The following PEX3 variants were observed in gnomAD, a reference collection of about 807,000 sequenced individuals.
PEX3 encodes the protein peroxisomal biogenesis factor 3.
A neutral mutation model predicts 55.8 loss-of-function variants in PEX3; 30 were observed. That is an observed-to-expected ratio of 0.54 (90% CI 0.40 to 0.73). The LOEUF is 0.73. Ranked by LOEUF, PEX3 falls within the 30% of genes least tolerant of loss-of-function variation. The pLI is 0.00. For missense variants in PEX3, 351 were observed against 432.8 expected (o/e 0.81, Z 1.68); for synonymous variants, 135 against 148.4 (o/e 0.91, Z 0.66).
In PEX3 at chr6:143,486,567, CA is replaced by C. The variant is rs1780325833; in HGVS notation, c.1038+1321del. Among the ~76,000 whole-genome samples the C allele has an allele frequency of 6.6e-6, 1 of 152,120 alleles. No homozygotes were observed. The highest frequency in any genetic ancestry group is 1.5e-5 in the Non-Finnish European group (1 of 68,000). The stretch of plus-strand genomic sequence containing the variant: ...ATGTATATACTAGACCATTGATTGA[CA>C]AGGCTATTACAATTATAGTTTAATT... On this transcript the variant is annotated intron_variant, in intron 11 of 11. Transcript: ENST00000367591. This position sits in a 1 kb window ranked among gnomAD's most constrained non-coding sequence, Gnocchi z 5.0.
intron 9 of PEX3, among the ~76,000 whole-genome samples, chr6:143,478,295 T>C (rs1166372334): frequency 6.6e-6 from 1 of 152,140 alleles, no homozygotes; most frequent in Non-Finnish European, 1.5e-5. Context: ...TAGTGGGTGA[T>C]GAAAATGTTC....
chr6:143,460,741 G>A lies in PEX3; in HGVS notation c.205+1525G>A, dbSNP rs555402244. On this transcript the variant is annotated intron_variant, in intron 2 of 11. Transcript: ENST00000367591. ...TAGCCGGGCGTGGTGTTGCATGCCT[G>A]TAATCCCAACTACTTGGGAGGCTGA... 2.7e-4 allele frequency among the ~76,000 whole-genome samples: 41 copies of A among 151,878 alleles called. 1 individual carries two copies. In the South Asian group the frequency reaches 7.1e-3, roughly 26 times the overall value.
Position 143,479,284 on chromosome 6 carries a change from C to A in PEX3, c.941+86C>A. On this transcript the variant is annotated intron_variant, in intron 10 of 11. Transcript: ENST00000367591. This position sits in a 1 kb window ranked among gnomAD's most constrained non-coding sequence, Gnocchi z 4.6. Reference sequence around the variant, plus strand: ...GTCTTTTTGTTCCAGATAACAACAACAAACCTATTAAATTTGAGTGCCTCA... The same window carrying A: ...GTCTTTTTGTTCCAGATAACAACAAAAAACCTATTAAATTTGAGTGCCTCA... 2.8e-6 allele frequency: 3 copies of A among 1,057,974 alleles called. No individual in the cohort carries two copies. The highest frequency in any genetic ancestry group is 4.4e-6 in the Non-Finnish European group (3 of 684,156). 65.5% of individuals were successfully genotyped at this position (1,057,974 alleles called of 1,614,324 possible).
At position 143,451,102 on chromosome 6, in the gene PEX3, C is replaced by T; in HGVS notation, c.60C>T (p.Gly20=). 1 of 1,612,210 alleles carries T rather than the reference C, an allele frequency of 6.2e-7. No homozygotes were observed. The highest frequency in any genetic ancestry group is 8.5e-7 in the Non-Finnish European group (1 of 1,178,326). The change falls in exon 1 of 12, where the codon GGC becomes GGT. Residue 20 remains glycine, a synonymous_variant. Transcript: ENST00000367591. The surrounding 1 kb of genome is among the most constrained non-coding windows in gnomAD (Gnocchi z 4.1). ...ACAAAAAGAAATGCATCTTCCTGGG[C>T]ACGGTCCTTGGAGGTGGGTGACAAC... is the stretch of plus-strand genomic sequence containing the variant. The part of the protein sequence containing the change: ...KRHKKKCIFL[G]TVLGGVYILG...
rs759163705 is a variant in PEX3 at position 143,459,227 on chromosome 6, G to T, written c.205+11G>T. ...CTTGCAATATGACAGGTAAGACAGAGAAATATTTATACATGTGTAAAGTTG... is the reference window on the plus strand; with the variant it reads ...CTTGCAATATGACAGGTAAGACAGATAAATATTTATACATGTGTAAAGTTG... On this transcript the variant is annotated intron_variant, in intron 2 of 11. Transcript: ENST00000367591. This position sits in a 1 kb window ranked among gnomAD's most constrained non-coding sequence, Gnocchi z 4.2. 2.5e-6 allele frequency: 4 copies of T among 1,608,896 alleles called. No individual in the cohort carries two copies. The South Asian group carries it at 4.4e-5, about 18-fold the overall frequency.
chr6:143,464,463 A>G lies in PEX3; in HGVS notation c.287+1466A>G, dbSNP rs1453031981. ...TCCGGACATATTTAGTGCAATGACAAAAAGTAAAAGGAAAATTTAGGAGTA... is the reference window on the plus strand; with the variant it reads ...TCCGGACATATTTAGTGCAATGACAGAAAGTAAAAGGAAAATTTAGGAGTA... On this transcript the variant is annotated intron_variant, in intron 3 of 11. Coordinates refer to ENST00000367591, the MANE Select transcript of PEX3 (RefSeq NM_003630.3). The surrounding 1 kb of genome is among the most constrained non-coding windows in gnomAD (Gnocchi z 5.8). 2.6e-5 allele frequency among the ~76,000 whole-genome samples: 4 copies of G among 152,196 alleles called. No individual in the cohort carries two copies. The South Asian group carries it at 8.3e-4, about 31-fold the overall frequency.
chr6:143,454,062 A>G lies in PEX3; in HGVS notation c.73+2947A>G. ...ATATTAATTCATTTTAAAATAATAA[A>G]CCTATTACATATTAACATACATAAC... On this transcript the variant is annotated intron_variant, in intron 1 of 11. Coordinates refer to ENST00000367591, the MANE Select transcript of PEX3 (RefSeq NM_003630.3). This position sits in a 1 kb window ranked among gnomAD's most constrained non-coding sequence, Gnocchi z 4.3. Among the ~76,000 whole-genome samples the G allele has an allele frequency of 6.6e-6, 1 of 152,306 alleles. No individual in the cohort carries two copies. The highest frequency in any genetic ancestry group is 1.9e-4 in the East Asian group (1 of 5,188).
At chr6:143,477,125 A>C (rs1424905780) in intron 9 of PEX3, among the ~76,000 whole-genome samples, 1 of 152,226 alleles carries the variant, frequency 6.6e-6, no homozygotes, top group Non-Finnish European at 1.5e-5. Context: ...GAGAAGTTTC[A>C]GAGGAGCAGT....
intron 3 of PEX3, among the ~76,000 whole-genome samples, chr6:143,467,586 T>C (rs149640895): frequency 6.6e-6 from 1 of 152,192 alleles, no homozygotes; most frequent in African/African-American, 2.4e-5. Context: ...TGTCAGAAAC[T>C]GTAGATACTA....
In PEX3 at chr6:143,490,314, T is replaced by G. The variant is rs1467030420; in HGVS notation, c.*1088T>G. 1.3e-5 allele frequency: 2 copies of G among 153,024 alleles called. No individual in the cohort carries two copies. Among genetic ancestry groups the G allele is most frequent in the Admixed American group, 6.5e-5 (1 of 15,284 alleles). The allele number at this position is 153,024 out of a possible 1,614,324, so 9.5% of individuals were successfully genotyped here. A position where few individuals can be genotyped will look rare whatever the true frequency, so the allele number is the denominator to read the frequency against. On this transcript the variant is annotated 3_prime_UTR_variant, in exon 12 of 12. Coordinates refer to ENST00000367591, the MANE Select transcript of PEX3 (RefSeq NM_003630.3). This position sits in a 1 kb window ranked among gnomAD's most constrained non-coding sequence, Gnocchi z 6.0. Reference sequence around the variant, plus strand: ...TGTTGACATATATTTTCAGTAACATTGTTTTATGTTCCTCCAGCGTAACAT... The same window carrying G: ...TGTTGACATATATTTTCAGTAACATGGTTTTATGTTCCTCCAGCGTAACAT...
In PEX3 at chr6:143,463,370, T is replaced by G. The variant is rs1779950121; in HGVS notation, c.287+373T>G. ...CTTTCTGAAAGAGCTTACGGTGTAATACAGCATGTGAACATACGTTTTAAA... is the reference window on the plus strand; with the variant it reads ...CTTTCTGAAAGAGCTTACGGTGTAAGACAGCATGTGAACATACGTTTTAAA... On this transcript the variant is annotated intron_variant, in intron 3 of 11. Coordinates refer to ENST00000367591, the MANE Select transcript of PEX3 (RefSeq NM_003630.3). The surrounding 1 kb of genome is among the most constrained non-coding windows in gnomAD (Gnocchi z 5.7). 1.3e-5 allele frequency among the ~76,000 whole-genome samples: 2 copies of G among 152,232 alleles called. No homozygotes were observed. The highest frequency in any genetic ancestry group is 6.5e-5 in the Admixed American group (1 of 15,286).
In PEX3 at chr6:143,471,921, A is replaced by G. The variant is rs1420129891; in HGVS notation, c.579-239A>G. ...GAGGCTTTTACCTCCCATTTATACT[A>G]GTAATATCTATAATTACAGTAGGAA... On this transcript the variant is annotated intron_variant, in intron 7 of 11. Transcript: ENST00000367591. The surrounding 1 kb of genome is among the most constrained non-coding windows in gnomAD (Gnocchi z 5.4). Among the ~76,000 whole-genome samples the G allele has an allele frequency of 6.6e-6, 1 of 152,146 alleles. No individual in the cohort carries two copies. Among genetic ancestry groups the G allele is most frequent in the Non-Finnish European group, 1.5e-5 (1 of 68,008 alleles).
In PEX3 at chr6:143,450,961, A is replaced by G; in HGVS notation, c.-82A>G. 9.4e-7 allele frequency: 1 copy of G among 1,058,720 alleles called. No individual in the cohort carries two copies. Among genetic ancestry groups the G allele is most frequent in the Non-Finnish European group, 1.5e-6 (1 of 672,378 alleles). 65.6% of individuals were successfully genotyped at this position (1,058,720 alleles called of 1,614,324 possible). ...GGGACGACGGCGCTCTTGCTGGGTC[A>G]TCTGGGCCAGGTGACGAAGAAACAG... On this transcript the variant is annotated 5_prime_UTR_variant, in exon 1 of 12. Transcript: ENST00000367591.
chr6:143,466,048 G>A lies in PEX3; in HGVS notation c.288-2074G>A, dbSNP rs937933163. Among the ~76,000 whole-genome samples the A allele has an allele frequency of 7.2e-5, 11 of 151,898 alleles. 2 individuals are homozygous for A. The highest frequency in any genetic ancestry group is 1.9e-4 in the East Asian group (1 of 5,160). ...ATTGGAAAGGAAAAGGAAAAAAAAT[G>A]GATCCTTCCACTAGTGGTTTGAAAA... On this transcript the variant is annotated intron_variant, in intron 3 of 11. Coordinates refer to ENST00000367591, the MANE Select transcript of PEX3 (RefSeq NM_003630.3). This position sits in a 1 kb window ranked among gnomAD's most constrained non-coding sequence, Gnocchi z 5.4.
At chr6:143,455,432 G>A (rs1422052905) in intron 1 of PEX3, among the ~76,000 whole-genome samples, 1 of 138,018 alleles carries the variant, frequency 7.2e-6, no homozygotes, top group Non-Finnish European at 1.5e-5. Context: ...AGCTAGGATG[G>A]TCTCGATTTC....
chr6:143,457,402 A>G lies in PEX3; in HGVS notation c.74-1683A>G, dbSNP rs547669333. 3.2e-4 allele frequency among the ~76,000 whole-genome samples: 49 copies of G among 152,296 alleles called. No individual in the cohort carries two copies. In the South Asian group the frequency reaches 9.7e-3, roughly 30 times the overall value. On this transcript the variant is annotated intron_variant, in intron 1 of 11. Transcript: ENST00000367591. Reference sequence around the variant, plus strand: ...AATTGCATATAAACATAGCAACAGCAATCATACTGTAGTTCTAATTGTTTT... The same window carrying G: ...AATTGCATATAAACATAGCAACAGCGATCATACTGTAGTTCTAATTGTTTT...
At chr6:143,484,803 GACAGATTACTGT>G (rs1348029292) in intron 10 of PEX3, among the ~76,000 whole-genome samples, 1 of 152,026 alleles carries the variant, frequency 6.6e-6, no homozygotes, top group Non-Finnish European at 1.5e-5. Context: ...ACAGCTAGAG[GACAGATTACTGT>G]ATAGTCATTA....
chr6:143,459,456 A>G lies in PEX3; in HGVS notation c.205+240A>G, dbSNP rs190161552. Among the ~76,000 whole-genome samples, 5 of 152,366 alleles carry G rather than the reference A, an allele frequency of 3.3e-5. No individual in the cohort carries two copies. Among genetic ancestry groups the G allele is most frequent in the African/African-American group, 9.6e-5 (4 of 41,588 alleles). ...CCTGGGGAAGCAGGAAGTGAACAAC[A>G]ACAACAAAAAGCCCCTGACCTTTGG... On this transcript the variant is annotated intron_variant, in intron 2 of 11. Transcript: ENST00000367591. This position sits in a 1 kb window ranked among gnomAD's most constrained non-coding sequence, Gnocchi z 4.2.
In PEX3 at chr6:143,458,528, G is replaced by GA. The variant is rs1779876543; in HGVS notation, c.74-553dup. Reference sequence around the variant, plus strand: ...TAAAAAGCATTTTGTGTTCATTGAAGAAAATATAGAGGACAAAATGACCTG... The same window carrying GA: ...TAAAAAGCATTTTGTGTTCATTGAAGAAAAATATAGAGGACAAAATGACCTG... On this transcript the variant is annotated intron_variant, in intron 1 of 11. Coordinates refer to ENST00000367591, the MANE Select transcript of PEX3 (RefSeq NM_003630.3). This position sits in a 1 kb window ranked among gnomAD's most constrained non-coding sequence, Gnocchi z 6.1. 6.6e-6 allele frequency among the ~76,000 whole-genome samples: 1 copy of GA among 151,684 alleles called. No homozygotes were observed. The highest frequency in any genetic ancestry group is 2.4e-5 in the African/African-American group (1 of 41,360).
Sources: allele counts gnomAD v4.1 joint callset (sites outside exome capture counted in the v4.1 genomes callset), GRCh38; gene constraint gnomAD v4.1.1; non-coding constraint Gnocchi (gnomAD v3.1); transcripts MANE v1.5; gene names NCBI Gene and HGNC (gene_info 2026-07-23, HGNC 2026-07-21).